The following KMT2D variants were observed in gnomAD, a reference collection of about 807,000 sequenced individuals.
KMT2D encodes histone-lysine N-methyltransferase 2D.
A neutral mutation model predicts 512.7 loss-of-function variants in KMT2D; 55 were observed. The observed-to-expected ratio is 0.11, with a 90% CI of 0.09 to 0.13. KMT2D has a LOEUF of 0.13. Ranked by LOEUF, KMT2D falls within the 10% of genes least tolerant of loss-of-function variation. The pLI, the probability that KMT2D is intolerant of heterozygous loss-of-function variation, is 1.00. For missense variants in KMT2D, 6,061 were observed against 7,127.9 expected, an observed-to-expected ratio of 0.85 and a Z score of 5.39; for synonymous variants, 2,995 against 2,904.0, an observed-to-expected ratio of 1.03 and a Z score of -1.01.
In KMT2D at chr12:49,021,229, G is replaced by C. The variant is rs1449442665; in HGVS notation, c.*551C>G. On this transcript the variant is annotated 3_prime_UTR_variant, in exon 55 of 55. Transcript: ENST00000301067. ...AACAAGGAAACACAACCCATAGAGA[G>C]ACAGAAACACAGAGGAAAAGAGGGA... is the stretch of plus-strand genomic sequence containing the variant. The C allele has an allele frequency of 1.1e-5, 2 of 183,288 alleles. No individual in the cohort carries two copies. The highest frequency in any genetic ancestry group is 2.4e-5 in the African/African-American group (1 of 42,064). The allele number at this position is 183,288 out of a possible 1,614,324, so 11.4% of individuals were successfully genotyped here. A position where few individuals can be genotyped will look rare whatever the true frequency, so the allele number is the denominator to read the frequency against.
rs1942177877 is a variant in KMT2D at position 49,019,242 on chromosome 12, C to T, written c.*2538G>A. On this transcript the variant is annotated 3_prime_UTR_variant, in exon 55 of 55. Transcript: ENST00000301067. ...AAATAAAGTCTTCACGGGATTCACA[C>T]TTGTCAGCGATTTATTTTTTAAAAA... 2.3e-6 allele frequency: 2 copies of T among 870,308 alleles called. No homozygotes were observed. Among genetic ancestry groups the T allele is most frequent in the African/African-American group, 1.8e-5 (1 of 56,686 alleles). The allele number at this position is 870,308 out of a possible 1,614,324, so 53.9% of individuals were successfully genotyped here.
Position 49,042,947 on chromosome 12 carries a change from G to C in KMT2D, c.5645-69C>G, listed in dbSNP as rs896393134. 8.8e-6 allele frequency: 14 copies of C among 1,598,018 alleles called. No homozygotes were observed. The highest frequency in any genetic ancestry group is 1.2e-5 in the Non-Finnish European group (14 of 1,167,234). The stretch of plus-strand genomic sequence containing the variant: ...CAGGTGACACCACAGGTCTACAAAT[G>C]ATCATGGCCAGGAACAGTCCAGGAC... On this transcript the variant is annotated intron_variant, in intron 26 of 54. Coordinates refer to ENST00000301067, the MANE Select transcript of KMT2D (RefSeq NM_003482.4). The surrounding 1 kb of genome is among the most constrained non-coding windows in gnomAD (Gnocchi z 4.4).
At position 49,041,446 on chromosome 12, in the gene KMT2D, C is replaced by T. The variant is rs373945547; in HGVS notation, c.6324G>A (p.Pro2108=). The change falls in exon 32 of 55, where the codon CCG becomes CCA. Residue 2108 remains proline, a synonymous_variant. Transcript: ENST00000301067. This position sits in a 1 kb window ranked among gnomAD's most constrained non-coding sequence, Gnocchi z 5.4. ...DRPALHLRIP[P]QPGALGSPPP... is the part of the protein sequence containing the mutation. ...GCGGGCTGCCCAGTGCCCCTGGCTG[C>T]GGGGGAATGCGGAGATGTAGGGCCG... 26 of 1,612,066 alleles carry T rather than the reference C, an allele frequency of 1.6e-5. No homozygotes were observed. The highest frequency in any genetic ancestry group is 3.3e-4 in the Middle Eastern group (2 of 6,074).
At position 49,039,647 on chromosome 12, in the gene KMT2D, C is replaced by A. The variant is rs1452409480; in HGVS notation, c.8047-30G>T. 1.9e-6 allele frequency: 3 copies of A among 1,603,682 alleles called. No homozygotes were observed. The highest frequency in any genetic ancestry group is 2.5e-6 in the Non-Finnish European group (3 of 1,177,022). The stretch of plus-strand genomic sequence containing the variant: ...GCAAAAAAAAGAGAAGAGGAATAAG[C>A]CCATTCTACTCCAATCATAGGGCTG... On this transcript the variant is annotated intron_variant, in intron 32 of 54. Coordinates refer to ENST00000301067, the MANE Select transcript of KMT2D (RefSeq NM_003482.4). The surrounding 1 kb of genome is among the most constrained non-coding windows in gnomAD (Gnocchi z 5.0).
intron 6 of KMT2D, 145 bp downstream of exon 6, chr12:49,053,833 G>A: frequency 9.2e-7 from 1 of 1,088,390 alleles, no homozygotes; most frequent in Non-Finnish European, 1.3e-6. Flanking sequence ...GCAAAACCCT[G>A]GTGCTCACAA....
In KMT2D at chr12:49,053,314, C is replaced by G; in HGVS notation, c.847G>C (p.Gly283Arg). The G allele has an allele frequency of 6.2e-7, 1 of 1,613,652 alleles. No homozygotes were observed. Among genetic ancestry groups the G allele is most frequent in the Non-Finnish European group, 8.5e-7 (1 of 1,179,696 alleles). ...CAAACCAACATCTTAGAGTCATTCCCAGGTTTCCTGCAGGTGCACATGGAA... is the reference window on the plus strand; with the variant it reads ...CAAACCAACATCTTAGAGTCATTCCGAGGTTTCCTGCAGGTGCACATGGAA... Reference protein sequence around the residue: ...CKVCQACRKPGNDSKMLVCET... With the variant: ...CKVCQACRKPRNDSKMLVCET... The change falls in exon 8 of 55, where the codon GGG becomes CGG. Residue 283 changes from glycine to arginine, a missense_variant. Transcript: ENST00000301067.
chr12:49,019,366 G>A lies in KMT2D; in HGVS notation c.*2414C>T. ...ACCAACCCAAAATACAAACACGGGG[G>A]CGGGGGGTGGGGTGGGGGATTCTGA... is the stretch of plus-strand genomic sequence containing the variant. On this transcript the variant is annotated 3_prime_UTR_variant, in exon 55 of 55. Transcript: ENST00000301067. The A allele has an allele frequency of 7.5e-6, 1 of 132,676 alleles. No individual in the cohort carries two copies. The highest frequency in any genetic ancestry group is 1.6e-5 in the Non-Finnish European group (1 of 62,906). 8.2% of individuals were successfully genotyped at this position (132,676 alleles called of 1,614,324 possible).
chr12:49,032,739 T>C lies in KMT2D; in HGVS notation c.11966A>G (p.Gln3989Arg). 1 of 1,597,870 alleles carries C rather than the reference T, an allele frequency of 6.3e-7. No individual in the cohort carries two copies. Among genetic ancestry groups the C allele is most frequent in the South Asian group, 1.1e-5 (1 of 88,818 alleles). The part of the protein sequence containing the change: ...NQSRTLLSPQ[Q>R]QQQQQVALGP... ...AAGTGCCACTTGCTGCTGCTGTTGT[T>C]GCTGAGGAGACAGTAAAGTTCGACT... Residue 3989 changes from glutamine (Q) to arginine (R), a missense_variant, in exon 40 of 55, where the codon CAA (glutamine) becomes CGA (arginine). This residue lies in a region of KMT2D where 1,600 missense variants were observed against 1,754.9 expected (regional missense o/e 0.91). Transcript: ENST00000301067.
Position 49,040,734 on chromosome 12 carries a change from C to T in KMT2D, c.7036G>A (p.Gly2346Ser), listed in dbSNP as rs761219768. 1.9e-5 allele frequency: 31 copies of T among 1,613,248 alleles called. No individual in the cohort carries two copies. In the East Asian group the frequency reaches 6.9e-4, roughly 36 times the overall value. Residue 2346 changes from glycine to serine, a missense_variant, in exon 32 of 55, where the codon GGC becomes AGC. Physicochemically the swap from Gly to Ser is moderately conservative, Grantham distance 56. Around this residue, in one of 16 missense-constraint regions of KMT2D, gnomAD observed 710 missense variants for 647.3 expected, o/e 1.10. Coordinates refer to ENST00000301067, the MANE Select transcript of KMT2D (RefSeq NM_003482.4). ...SQVEPQSPGL[G>S]LRPQEPPPAQ... ...GGGGGTGGCTCCTGGGGCCTTAGGCCCAAGCCCGGGCTCTGGGGCTCTACC... is the reference window on the plus strand; with the variant it reads ...GGGGGTGGCTCCTGGGGCCTTAGGCTCAAGCCCGGGCTCTGGGGCTCTACC...
chr12:49,049,087 T>C lies in KMT2D; in HGVS notation c.4020+18A>G. The C allele has an allele frequency of 6.7e-7, 1 of 1,482,278 alleles. No homozygotes were observed. The allele number at this position is 1,482,278 out of a possible 1,614,324, so 91.8% of individuals were successfully genotyped here. A position where few individuals can be genotyped will look rare whatever the true frequency, so the allele number is the denominator to read the frequency against. On this transcript the variant is annotated intron_variant, in intron 13 of 54. Transcript: ENST00000301067. ...AAGCATGGTTGGGGGATGGGAGGAA[T>C]AGGAGGCATCTCCTTACTACCAGAG...
At chr12:49,045,833 A>T (rs1565805822) in intron 19 of KMT2D, 87 bp downstream of exon 19, 8 of 1,122,362 alleles carry the variant, frequency 7.1e-6, no homozygotes, top group Non-Finnish European at 9.4e-6. Context: ...CTCTTAAAAT[A>T]AGGAGATGAA....
chr12:49,051,105 G>T lies in KMT2D; in HGVS notation c.2578C>A (p.Leu860Met), dbSNP rs768832125. 6.6e-7 allele frequency: 1 copy of T among 1,522,754 alleles called. No individual in the cohort carries two copies. The highest frequency in any genetic ancestry group is 8.8e-7 in the Non-Finnish European group (1 of 1,137,126). 94.3% of individuals were successfully genotyped at this position (1,522,754 alleles called of 1,614,324 possible). A position where few individuals can be genotyped will look rare whatever the true frequency, so the allele number is the denominator to read the frequency against. ...HLSPELEKPPLSPRPEKPPEE... is the reference protein window; with the variant it reads ...HLSPELEKPPMSPRPEKPPEE... ...GGGGGCTTTTCAGGCCGAGGGGACA[G>T]GGGTGGCTTCTCAAGCTCAGGGGAC... is the stretch of plus-strand genomic sequence containing the variant. The change falls in exon 11 of 55, where the codon CTG becomes ATG. Residue 860 changes from leucine (L) to methionine (M), a missense_variant. Transcript: ENST00000301067.
rs886049477 is a variant in KMT2D, at chr12:49,033,510, T to A, written c.11195A>T (p.Gln3732Leu). Residue 3732 changes from glutamine to leucine, a missense_variant, in exon 40 of 55, where the codon CAG becomes CTG. Gln to Leu is a moderately radical substitution (Grantham distance 113, BLOSUM62 -2). Around this residue, in one of 16 missense-constraint regions of KMT2D, gnomAD observed 1,600 missense variants for 1,754.9 expected, o/e 0.91. Transcript: ENST00000301067. ...QLQQQRMQLAQKLQQQQQQQQ... is the reference protein window; with the variant it reads ...QLQQQRMQLALKLQQQQQQQQ... ...CTGCTGCTGCTGCTGCTGCAGTTTC[T>A]GGGCCAGCTGCATACGTTGCTGCTG... 5 of 1,613,608 alleles carry A rather than the reference T, an allele frequency of 3.1e-6. 1 individual carries two copies. In the South Asian group the frequency reaches 4.4e-5, roughly 14 times the overall value.
In KMT2D at chr12:49,046,650, G is replaced by A. The variant is rs1381842502; in HGVS notation, c.4377C>T (p.Pro1459=). Residue 1459 remains proline (P), a synonymous_variant, in exon 16 of 55, where the codon CCC becomes CCT. Transcript: ENST00000301067. The surrounding 1 kb of genome is among the most constrained non-coding windows in gnomAD (Gnocchi z 4.2). ...DISYHTYCLD[P]PLLTVPKGGW... ...CGCCCTTGGGGACGGTGAGCAGTGG[G>A]GGGTCCAGGCAGTATGTGTGGTAGC... The A allele has an allele frequency of 6.2e-7, 1 of 1,613,804 alleles. No homozygotes were observed. The highest frequency in any genetic ancestry group is 8.5e-7 in the Non-Finnish European group (1 of 1,179,814).
At chr12:49,028,687 CAGCCTCT>C (rs1942736014) in intron 46 of KMT2D, 134 bp downstream of exon 46, 3 of 1,126,646 alleles carry the variant, frequency 2.7e-6, no homozygotes, top group Non-Finnish European at 3.7e-6. Flanking sequence ...CCGAATCTCA[CAGCCTCT>C]AGCCCAGGCT....
chr12:49,037,081 A>G (rs2120473420), intron 35 of KMT2D, 44 bp downstream of exon 35: 1 of 1,525,066 alleles, frequency 6.6e-7, no homozygotes, highest in Non-Finnish European at 8.8e-7. Flanking sequence ...AGGGATAACA[A>G]TAATCACCCT....
chr12:49,036,334 C>CA (rs998443226), intron 35 of KMT2D, among the ~76,000 whole-genome samples: 1 of 148,588 alleles, frequency 6.7e-6, no homozygotes, highest in Non-Finnish European at 1.5e-5. Context: ...TTTTTTAAGA[C>CA]AGAGTCTCGC....
rs1213669151 is a variant in KMT2D at position 49,022,782 on chromosome 12, G to T, written c.16146C>A (p.His5382Gln). ...TNTPYSKQFV[H>Q]SKSSQYRRLR... ...GCCGCCGGTACTGAGATGACTTGGAGTGCACAAACTGCTTGCTGTAGGGGG... is the reference window on the plus strand; with the variant it reads ...GCCGCCGGTACTGAGATGACTTGGATTGCACAAACTGCTTGCTGTAGGGGG... Residue 5382 changes from histidine to glutamine, a missense_variant, in exon 52 of 55, where the codon CAC becomes CAA. Physicochemically the swap from His to Gln is conservative, Grantham distance 24 (BLOSUM62 0). Transcript: ENST00000301067. The surrounding 1 kb of genome is among the most constrained non-coding windows in gnomAD (Gnocchi z 8.6). The T allele has an allele frequency of 6.2e-7, 1 of 1,614,000 alleles. No individual in the cohort carries two copies. Among genetic ancestry groups the T allele is most frequent in the Non-Finnish European group, 8.5e-7 (1 of 1,179,898 alleles).
In KMT2D at chr12:49,037,984, C is replaced by A. The variant is rs1199748974; in HGVS notation, c.9372G>T (p.Glu3124Asp). The part of the protein sequence containing the change: ...VLPEVKPKVE[E>D]GGRHPSPCQF... ...GGCAAGGAGAAGGGTGGCGTCCACC[C>A]TCCTCCACCTTGGGCTTCACCTCAG... Residue 3124 changes from glutamate to aspartate, a missense_variant, in exon 35 of 55, where the codon GAG becomes GAT. By Grantham distance (45) the Glu-to-Asp change is conservative. Around this residue, in one of 16 missense-constraint regions of KMT2D, gnomAD observed 533 missense variants for 539.6 expected, o/e 0.99. Coordinates refer to ENST00000301067, the MANE Select transcript of KMT2D (RefSeq NM_003482.4). The A allele has an allele frequency of 6.2e-7, 1 of 1,602,246 alleles. No individual in the cohort carries two copies. Among genetic ancestry groups the A allele is most frequent in the Non-Finnish European group, 8.5e-7 (1 of 1,174,742 alleles).
Sources: gnomAD v4.1 joint callset for allele counts (sites outside exome capture counted in the v4.1 genomes callset) on GRCh38, gnomAD v4.1.1 for gene constraint, gnomAD v4.1.1 regional missense constraint, Gnocchi (gnomAD v3.1) non-coding constraint, MANE v1.5 for transcripts, NCBI Gene and HGNC (gene_info 2026-07-23, HGNC 2026-07-21) for gene names.